The following STK32B variants were observed in gnomAD, a reference collection of about 807,000 sequenced individuals.
STK32B encodes the protein serine/threonine-protein kinase 32B.
In STK32B, 43 loss-of-function variants were observed where a neutral mutation model predicts 52.6. The observed-to-expected ratio is 0.82, with a 90% CI of 0.64 to 1.05. STK32B has a LOEUF of 1.05. Among genes scored for constraint, STK32B ranks in the 50% least tolerant of loss-of-function variants. The pLI is 0.00. For synonymous variants in STK32B, 238 were observed against 204.3 expected (o/e 1.17, Z -1.41); for missense variants, 621 against 534.6 (o/e 1.16, Z -1.59).
chr4:5,419,002 G>A (rs81607), intron 6 of STK32B, among the ~76,000 whole-genome samples: 83,619 of 151,936 alleles, frequency 0.55, 24,658 homozygotes, highest in Middle Eastern at 0.75. Flanking sequence ...GGTTTTTGGG[G>A]ATCGGCTATA....
In STK32B at chr4:5,079,700, A is replaced by T. The variant is rs77284921; in HGVS notation, c.52+27785A>T. Among the ~76,000 whole-genome samples the T allele has an allele frequency of 2.9e-3, 441 of 152,012 alleles. 5 individuals carry two copies. Among genetic ancestry groups the T allele is most frequent in the African/African-American group, 9.8e-3 (406 of 41,424 alleles). The stretch of plus-strand genomic sequence containing the variant: ...ATTACTCTTCCACCCCTCATTTCTC[A>T]CTCAGTCTACAATGAATCCCTCTGC... On this transcript the variant is annotated intron_variant, in intron 1 of 11. Coordinates refer to ENST00000282908, the MANE Select transcript of STK32B (RefSeq NM_018401.3).
At chr4:5,035,844 C>T in the STK32B span, among the ~76,000 whole-genome samples, 10 of 149,842 alleles carry the variant, frequency 6.7e-5, no homozygotes, top group South Asian at 4.2e-4. Context: ...TGCAGTGGCG[C>T]GATCTTGGCT....
At chr4:5,388,948 G>T (rs932486802) in intron 4 of STK32B, among the ~76,000 whole-genome samples, 1 of 152,138 alleles carries the variant, frequency 6.6e-6, no homozygotes, top group East Asian at 1.9e-4. Context: ...CACAGCTTTT[G>T]AACTGAATTA....
At chr4:5,249,513 T>C (rs1464676499) in intron 3 of STK32B, among the ~76,000 whole-genome samples, 3 of 149,048 alleles carry the variant, frequency 2.0e-5, no homozygotes, top group Non-Finnish European at 4.5e-5. Flanking sequence ...CTCCCTCCCT[T>C]CCTTTAAACT....
At chr4:5,021,826 T>A in the STK32B span, among the ~76,000 whole-genome samples, 1 of 152,134 alleles carries the variant, frequency 6.6e-6, no homozygotes, top group Non-Finnish European at 1.5e-5. Flanking sequence ...AGCCATAAGC[T>A]GTCACTGGTA....
rs1357671892 is a variant in STK32B, at chr4:5,434,822, T to G, written c.563-11851T>G. Among the ~76,000 whole-genome samples the G allele has an allele frequency of 2.0e-5, 3 of 152,204 alleles. No homozygotes were observed. In the East Asian group the frequency reaches 5.8e-4, roughly 29 times the overall value. On this transcript the variant is annotated intron_variant, in intron 6 of 11. Transcript: ENST00000282908. ...GCATATGTAAAGAATTAAGAAGAGCTTCTGGCACACAGTAGACTCAATAAA... is the reference window on the plus strand; with the variant it reads ...GCATATGTAAAGAATTAAGAAGAGCGTCTGGCACACAGTAGACTCAATAAA...
At chr4:5,498,595 G>A (rs976520110) in intron 11 of STK32B, among the ~76,000 whole-genome samples, 23 of 152,234 alleles carry the variant, frequency 1.5e-4, no homozygotes, top group African/African-American at 4.3e-4. Flanking sequence ...CACCTTTACC[G>A]ACTGTGAGCT....
At chr4:5,338,307 T>C (rs1732840968) in intron 4 of STK32B, among the ~76,000 whole-genome samples, 1 of 152,220 alleles carries the variant, frequency 6.6e-6, no homozygotes, top group Admixed American at 6.5e-5. Flanking sequence ...AATACACAAC[T>C]GTTCATTTAC....
intron 3 of STK32B, among the ~76,000 whole-genome samples, chr4:5,248,048 A>C (rs559589274): frequency 6.6e-6 from 1 of 152,352 alleles, no homozygotes; most frequent in Non-Finnish European, 1.5e-5. Context: ...TGGCAACCGC[A>C]GCTACAGGTG....
intron 3 of STK32B, among the ~76,000 whole-genome samples, chr4:5,170,939 C>T (rs1160868581): frequency 1.3e-5 from 2 of 151,690 alleles, no homozygotes; most frequent in Non-Finnish European, 2.9e-5. Flanking sequence ...GTGTAAAAGT[C>T]CTATTTCTCC....
chr4:5,496,324 A>G (rs1288761914), intron 11 of STK32B, among the ~76,000 whole-genome samples: 8 of 152,040 alleles, frequency 5.3e-5, no homozygotes, highest in Non-Finnish European at 2.9e-5. Context: ...TTGCAGTTTG[A>G]TCTCAGACTG....
At position 5,357,088 on chromosome 4, in the gene STK32B, TACACACACACAC is replaced by T. The variant is rs33916543; in HGVS notation, c.434+25707_434+25718del. ...ACACACATATACACACACACACGTATACACACACACACACACACACACATATATATACACACA... is the reference window on the plus strand; with the variant it reads ...ACACACATATACACACACACACGTATACACACACACATATATATACACACA... On this transcript the variant is annotated intron_variant, in intron 4 of 11. Coordinates refer to ENST00000282908, the MANE Select transcript of STK32B (RefSeq NM_018401.3). Among the ~76,000 whole-genome samples, 9 of 148,804 alleles carry T rather than the reference TACACACACACAC, an allele frequency of 6.0e-5. No individual in the cohort carries two copies. In the South Asian group the frequency reaches 1.3e-3, roughly 21 times the overall value.
At chr4:5,172,541 G>A (rs1461467538) in intron 3 of STK32B, among the ~76,000 whole-genome samples, 2 of 152,006 alleles carry the variant, frequency 1.3e-5, no homozygotes, top group Admixed American at 1.3e-4. Flanking sequence ...TTTGTCAAAG[G>A]CCTTTTCTGC....
intron 6 of STK32B, among the ~76,000 whole-genome samples, chr4:5,420,427 G>A (rs939941130): frequency 6.6e-6 from 1 of 152,154 alleles, no homozygotes; most frequent in African/African-American, 2.4e-5. Context: ...GATCAACTGG[G>A]CGAGATTCAG....
At chr4:5,373,064 T>G (rs544982978) in intron 4 of STK32B, among the ~76,000 whole-genome samples, 1 of 152,168 alleles carries the variant, frequency 6.6e-6, no homozygotes, top group African/African-American at 2.4e-5. Flanking sequence ...AGAAAAAGCT[T>G]TGTGGAGGGT....
chr4:5,374,896 A>G (rs903531077), intron 4 of STK32B, among the ~76,000 whole-genome samples: 9 of 152,208 alleles, frequency 5.9e-5, no homozygotes, highest in African/African-American at 1.9e-4. Flanking sequence ...GTGCCTGACA[A>G]TGTCTGTTCT....
At position 5,395,972 on chromosome 4, in the gene STK32B, A is replaced by C. The variant is rs1366673273; in HGVS notation, c.435-2235A>C. The stretch of plus-strand genomic sequence containing the variant: ...GCAATGTGGATGTGGGGGCGTGGCC[A>C]GGCCCTGGGCTTGTCCAAGGCCATG... On this transcript the variant is annotated intron_variant, in intron 4 of 11. Coordinates refer to ENST00000282908, the MANE Select transcript of STK32B (RefSeq NM_018401.3). This position sits in a 1 kb window ranked among gnomAD's most constrained non-coding sequence, Gnocchi z 4.4. 6.6e-6 allele frequency among the ~76,000 whole-genome samples: 1 copy of C among 152,192 alleles called. No homozygotes were observed. Among genetic ancestry groups the C allele is most frequent in the African/African-American group, 2.4e-5 (1 of 41,458 alleles).
At chr4:5,160,617 C>A (rs1427789918) in intron 2 of STK32B, among the ~76,000 whole-genome samples, 1 of 152,200 alleles carries the variant, frequency 6.6e-6, no homozygotes, top group East Asian at 1.9e-4. Flanking sequence ...CTCACCTCTC[C>A]CGTGTGTTTT....
chr4:5,100,670 T>C (rs912573907), intron 1 of STK32B, among the ~76,000 whole-genome samples: 1 of 48,560 alleles, frequency 2.1e-5, no homozygotes, highest in Non-Finnish European at 4.0e-5. Context: ...CATTCTTTCT[T>C]TCTTTCCTTT....
Sources: allele counts gnomAD v4.1 joint callset (sites outside exome capture counted in the v4.1 genomes callset), GRCh38; gene constraint gnomAD v4.1.1; non-coding constraint Gnocchi (gnomAD v3.1); transcripts MANE v1.5; gene names NCBI Gene and HGNC (gene_info 2026-07-23, HGNC 2026-07-21).